The following OSBPL10 variants were observed in gnomAD, a reference collection of about 807,000 sequenced individuals.
OSBPL10 encodes oxysterol-binding protein-related protein 10.
In OSBPL10, 49 loss-of-function variants were observed where a neutral mutation model predicts 81.7. The observed-to-expected ratio is 0.60, with a 90% confidence interval of 0.48 to 0.76. The LOEUF is 0.76. Ranked by LOEUF, OSBPL10 falls within the 30% of genes least tolerant of loss-of-function variation. OSBPL10 has a pLI of 0.00. For missense variants in OSBPL10, 923 were observed against 987.8 expected, an observed-to-expected ratio of 0.93 and a Z score of 0.88; for synonymous variants, 419 against 383.6, an observed-to-expected ratio of 1.09 and a Z score of -1.08.
At chr3:31,728,824 T>C (rs145358307) in intron 6 of OSBPL10, among the ~76,000 whole-genome samples, 2 of 152,158 alleles carry the variant, frequency 1.3e-5, no homozygotes, top group Non-Finnish European at 2.9e-5. Flanking sequence ...TCACCTGAAA[T>C]GCCTGGGAGA....
intron 2 of OSBPL10, among the ~76,000 whole-genome samples, chr3:32,012,473 A>T (rs1699269547): frequency 6.6e-6 from 1 of 152,270 alleles, no homozygotes; most frequent in Admixed American, 6.5e-5. Flanking sequence ...AACCAGTATC[A>T]GCCACTGCAA....
At chr3:31,678,087 C>CAAAAA (rs1174037204) in intron 8 of OSBPL10, among the ~76,000 whole-genome samples, 2,713 of 76,574 alleles carry the variant, frequency 0.035, 323 homozygotes, top group African/African-American at 0.14. Context: ...GACTCCGTCT[C>CAAAAA]AAAAAAAAAA....
At chr3:31,729,336 TAC>T (rs1387234550) in intron 6 of OSBPL10, among the ~76,000 whole-genome samples, 4 of 152,134 alleles carry the variant, frequency 2.6e-5, no homozygotes, top group Non-Finnish European at 4.4e-5. Context: ...CTCCAGGTGT[TAC>T]AGTCAGAAAG....
intron 2 of OSBPL10, among the ~76,000 whole-genome samples, chr3:32,028,500 C>T (rs911575476): frequency 6.6e-6 from 1 of 152,156 alleles, no homozygotes; most frequent in Non-Finnish European, 1.5e-5. Context: ...TAGTATGCAT[C>T]ACAAGTATTG....
intron 1 of OSBPL10, among the ~76,000 whole-genome samples, chr3:31,884,627 C>CT (rs1370436995): frequency 6.6e-6 from 1 of 152,204 alleles, no homozygotes; most frequent in Non-Finnish European, 1.5e-5. Flanking sequence ...GAGCACGCAG[C>CT]TATATCTCAA....
intron 1 of OSBPL10, among the ~76,000 whole-genome samples, chr3:32,059,903 C>T (rs1699742238): frequency 6.6e-6 from 1 of 151,938 alleles, no homozygotes; most frequent in Non-Finnish European, 1.5e-5. Context: ...CAGAGCCAGA[C>T]CCTGTCTCAA....
intron 4 of OSBPL10, among the ~76,000 whole-genome samples, chr3:31,761,647 T>C (rs1289415447): frequency 1.3e-5 from 2 of 151,252 alleles, no homozygotes; most frequent in African/African-American, 4.9e-5. Context: ...TGAAATCCCA[T>C]CTCTACTAAA....
At chr3:32,003,865 G>A (rs1699177369) in intron 2 of OSBPL10, among the ~76,000 whole-genome samples, 1 of 152,164 alleles carries the variant, frequency 6.6e-6, no homozygotes, top group Non-Finnish European at 1.5e-5. Context: ...TGGATTTGGA[G>A]GGACAAAGTA....
rs138935105 is a variant in OSBPL10 at position 31,776,213 on chromosome 3, A to C, written c.730-28093T>G. Among the ~76,000 whole-genome samples the C allele has an allele frequency of 2.0e-5, 3 of 152,340 alleles. No homozygotes were observed. In the East Asian group the frequency reaches 5.8e-4, roughly 29 times the overall value. Reference sequence around the variant, plus strand: ...AGCAATTATGCAACAAGCACACGAAAAAAATGCCCAACATCATTACTCATG... The same window carrying C: ...AGCAATTATGCAACAAGCACACGAACAAAATGCCCAACATCATTACTCATG... On this transcript the variant is annotated intron_variant, in intron 4 of 11. Transcript: ENST00000396556.
intron 5 of OSBPL10, among the ~76,000 whole-genome samples, chr3:31,737,138 G>T (rs887241000): frequency 2.6e-5 from 4 of 152,152 alleles, no homozygotes; most frequent in African/African-American, 9.7e-5. Context: ...GCATGCTGGG[G>T]AACACAACTT....
chr3:32,065,823 AAGGTTGCAGTCAGCAG>A lies in OSBPL10; in HGVS notation n.185+11557_185+11572del, dbSNP rs1262879510. On this transcript the variant is annotated intron_variant and non_coding_transcript_variant, in intron 1 of 3. Coordinates refer to the OSBPL10 transcript ENST00000479173. ...CTTGAGCCCAGGAGGCCTAGGTTGCAAGGTTGCAGTCAGCAGAGACTGCACCACTAGACTCCAGCCT... is the reference window on the plus strand; with the variant it reads ...CTTGAGCCCAGGAGGCCTAGGTTGCAAGACTGCACCACTAGACTCCAGCCT... 3.5e-4 allele frequency among the ~76,000 whole-genome samples: 31 copies of A among 88,468 alleles called. 7 individuals are homozygous for A. The highest frequency in any genetic ancestry group is 8.9e-4 in the African/African-American group (31 of 34,654). The allele number at this position is 88,468 out of a possible 152,430, so 58.0% of individuals were successfully genotyped here.
intron 2 of OSBPL10, among the ~76,000 whole-genome samples, chr3:32,001,291 A>G (rs962591781): frequency 2.0e-5 from 3 of 152,144 alleles, no homozygotes; most frequent in Admixed American, 6.5e-5. Context: ...GGCCTACTCT[A>G]TAAGGCTGGG....
At chr3:31,733,807 G>A (rs562877543) in intron 5 of OSBPL10, among the ~76,000 whole-genome samples, 7 of 148,086 alleles carry the variant, frequency 4.7e-5, no homozygotes, top group Admixed American at 6.9e-5. Flanking sequence ...AGGTCAGATC[G>A]AGACCATCCT....
intron 1 of OSBPL10, among the ~76,000 whole-genome samples, chr3:31,885,388 A>T (rs1446075906): frequency 6.6e-6 from 1 of 152,108 alleles, no homozygotes; most frequent in Admixed American, 6.5e-5. Flanking sequence ...CTCACCCTTG[A>T]AGGTGCATTT....
chr3:31,749,405 C>T (rs997427967), intron 4 of OSBPL10, among the ~76,000 whole-genome samples: 1 of 152,208 alleles, frequency 6.6e-6, no homozygotes, highest in African/African-American at 2.4e-5. Flanking sequence ...ATAATCTGGC[C>T]ATGCAAATTG....
intron 3 of OSBPL10, among the ~76,000 whole-genome samples, chr3:31,848,526 T>C (rs1700689396): frequency 6.6e-6 from 1 of 152,132 alleles, no homozygotes; most frequent in Non-Finnish European, 1.5e-5. Context: ...CCCTATTGCA[T>C]TTAAAACGAA....
chr3:31,856,087 C>T (rs1278423519), intron 3 of OSBPL10, among the ~76,000 whole-genome samples: 2 of 142,968 alleles, frequency 1.4e-5, no homozygotes, highest in Non-Finnish European at 3.2e-5. Flanking sequence ...CACACACACA[C>T]ACACACACAC....
intron 4 of OSBPL10, among the ~76,000 whole-genome samples, chr3:31,768,433 T>C (rs1698265677): frequency 6.6e-6 from 1 of 152,178 alleles, no homozygotes; most frequent in South Asian, 2.1e-4. Flanking sequence ...AGAAATTGTC[T>C]CCCTTTAGAC....
chr3:32,077,595 G>C, upstream of OSBPL10: 1 of 152,312 alleles, frequency 6.6e-6, no homozygotes. Context: ...AAAGCCTCAG[G>C]TGGGCATGTG....
Sources: allele counts gnomAD v4.1 joint callset (sites outside exome capture counted in the v4.1 genomes callset), GRCh38; gene constraint gnomAD v4.1.1; transcripts MANE v1.5; gene names NCBI Gene and HGNC (gene_info 2026-07-23, HGNC 2026-07-21).